Variants in DACH2 observed in about 807,000 individuals in gnomAD.
The protein encoded by DACH2 is dachshund family transcription factor 2, also known as dachshund homolog 2.
In DACH2, 17 loss-of-function variants were observed where a neutral mutation model predicts 35.8. The ratio of observed to expected loss-of-function variants is 0.48; its 90% CI spans 0.33 to 0.71. The LOEUF (loss-of-function observed/expected upper bound fraction) is 0.71, where lower values mean the gene tolerates loss of function less well. Ranked by LOEUF, DACH2 falls within the 30% of genes least tolerant of loss-of-function variation. DACH2 has a pLI of 0.02. For missense variants in DACH2, 469 were observed against 472.7 expected (o/e 0.99, Z 0.07); for synonymous variants, 195 against 177.3 (o/e 1.10, Z -0.79).
At chrX:86,665,222 T>G (rs2148418042) in intron 4 of DACH2, among the ~76,000 whole-genome samples, 1 of 112,034 alleles carries the variant, frequency 8.9e-6, no homozygotes, top group Admixed American at 9.5e-5. Context: ...CATGTAAGCA[T>G]TTAAAATAAT....
chrX:86,542,667 C>A (rs543027794), intron 3 of DACH2, among the ~76,000 whole-genome samples: 2 of 111,863 alleles, frequency 1.8e-5, no homozygotes, highest in Non-Finnish European at 3.8e-5. Context: ...GATTAAGACA[C>A]AAGGTATCAG....
intron 7 of DACH2, among the ~76,000 whole-genome samples, chrX:86,775,024 G>A (rs186691839): frequency 6.3e-5 from 7 of 111,296 alleles, no homozygotes; most frequent in South Asian, 3.8e-4. Flanking sequence ...TAAAGACAGG[G>A]CCCTCACTAT....
intron 2 of DACH2, among the ~76,000 whole-genome samples, chrX:86,399,873 C>T (rs923846202): frequency 9.0e-6 from 1 of 111,146 alleles, no homozygotes; most frequent in Non-Finnish European, 1.9e-5. Context: ...ACTTGCTGTT[C>T]TTCTGGAGTA....
rs138210150 is a variant in DACH2 at position 86,355,655 on chromosome X, A to G, written c.489-21169A>G. ...AGCAATCCTCCTACATCAGCCCTAA[A>G]GTAGCTGGGACTACAGGTGCGGGCC... On this transcript the variant is annotated intron_variant, in intron 1 of 11. Coordinates refer to ENST00000373125, the MANE Select transcript of DACH2 (RefSeq NM_053281.3). Among the ~76,000 whole-genome samples, 987 of 111,662 alleles carry G rather than the reference A, an allele frequency of 8.8e-3. 4 individuals carry two copies. The highest frequency in any genetic ancestry group is 0.013 in the Non-Finnish European group (686 of 53,143).
intron 1 of DACH2, among the ~76,000 whole-genome samples, chrX:86,342,303 A>G (rs1023820203): frequency 2.9e-4 from 32 of 110,842 alleles, no homozygotes; most frequent in African/African-American, 1.1e-3. Flanking sequence ...GTTCAAGACC[A>G]GATGGCGTAA....
intron 1 of DACH2, among the ~76,000 whole-genome samples, chrX:86,198,510 A>G (rs965573267): frequency 9.0e-6 from 1 of 111,311 alleles, no homozygotes; most frequent in Non-Finnish European, 1.9e-5. Context: ...AATTAATAAA[A>G]CAGATAGACT....
At chrX:86,701,254 C>CA (rs1003904804) in intron 5 of DACH2, among the ~76,000 whole-genome samples, 19 of 111,136 alleles carry the variant, frequency 1.7e-4, no homozygotes, top group Non-Finnish European at 1.5e-4. Context: ...GAAGTAAAAA[C>CA]AAAAACCACA....
chrX:86,763,142 C>G (rs1314757998), intron 7 of DACH2, among the ~76,000 whole-genome samples: 2 of 111,673 alleles, frequency 1.8e-5, no homozygotes, highest in Non-Finnish European at 3.8e-5. Flanking sequence ...GTATTTCACC[C>G]CTAGCATATC....
In DACH2 at chrX:86,621,259, C is replaced by G. The variant is rs771837573; in HGVS notation, c.641-29777C>G. 8.1e-5 allele frequency among the ~76,000 whole-genome samples: 9 copies of G among 111,305 alleles called. No individual in the cohort carries two copies. The East Asian group carries it at 2.5e-3, about 31-fold the overall frequency. Reference sequence around the variant, plus strand: ...GATGTAGATACTTAGAGACAGCTTGCACCTGCAAAGAAAAGTGGCACAGTG... The same window carrying G: ...GATGTAGATACTTAGAGACAGCTTGGACCTGCAAAGAAAAGTGGCACAGTG... On this transcript the variant is annotated intron_variant, in intron 3 of 11. Transcript: ENST00000373125.
chrX:86,531,921 C>A (rs2038727217), intron 3 of DACH2, among the ~76,000 whole-genome samples: 1 of 113,088 alleles, frequency 8.8e-6, no homozygotes, highest in Non-Finnish European at 1.9e-5. Flanking sequence ...TGCCCAAGTT[C>A]TTGGGAGTCC....
intron 3 of DACH2, among the ~76,000 whole-genome samples, chrX:86,645,411 C>A (rs762940432): frequency 1.2e-4 from 13 of 110,891 alleles, no homozygotes; most frequent in Admixed American, 2.9e-4. Context: ...CATATGCTGG[C>A]AAGGTTACAA....
chrX:86,363,926 C>A (rs2035772065), intron 1 of DACH2, among the ~76,000 whole-genome samples: 1 of 111,208 alleles, frequency 9.0e-6, no homozygotes, highest in African/African-American at 3.3e-5. Flanking sequence ...GCTGCTGCTC[C>A]TGGGGTTTCT....
chrX:86,766,598 A>C (rs902536434), intron 7 of DACH2, among the ~76,000 whole-genome samples: 2 of 112,023 alleles, frequency 1.8e-5, no homozygotes, highest in Non-Finnish European at 3.8e-5. Flanking sequence ...TTGTTTGCTG[A>C]ATGTGCACCA....
At chrX:86,347,447 C>A (rs1393022061) in intron 1 of DACH2, among the ~76,000 whole-genome samples, 2 of 112,786 alleles carry the variant, frequency 1.8e-5, no homozygotes, top group Non-Finnish European at 3.7e-5. Context: ...TACAGTCTCA[C>A]TCCAGGAGGT....
intron 1 of DACH2, among the ~76,000 whole-genome samples, chrX:86,248,858 T>C (rs1490590774): frequency 9.0e-6 from 1 of 110,802 alleles, no homozygotes; most frequent in Non-Finnish European, 1.9e-5. Context: ...CACAGAATGA[T>C]AGAACGTAAT....
intron 3 of DACH2, among the ~76,000 whole-genome samples, chrX:86,577,979 A>T (rs2039456319): frequency 8.9e-6 from 1 of 111,952 alleles, no homozygotes; most frequent in African/African-American, 3.2e-5. Context: ...CCTTTATAAT[A>T]AACTGGGAAA....
intron 3 of DACH2, among the ~76,000 whole-genome samples, chrX:86,648,312 T>A (rs1261699145): frequency 9.0e-6 from 1 of 111,083 alleles, no homozygotes; most frequent in African/African-American, 3.3e-5. Flanking sequence ...AAGTTGAAAT[T>A]TTGGTTCCCA....
At chrX:86,678,922 GA>G (rs2148430699) in intron 4 of DACH2, among the ~76,000 whole-genome samples, 1 of 111,432 alleles carries the variant, frequency 9.0e-6, no homozygotes, top group African/African-American at 3.3e-5. Flanking sequence ...CAGAGAAGGT[GA>G]AAAGTAGACA....
At position 86,813,161 on chromosome X, in the gene DACH2, G is replaced by A. The variant is rs770481654; in HGVS notation, c.1421G>A (p.Arg474His). The change falls in exon 9 of 12, where the codon CGC becomes CAC. Residue 474 changes from arginine to histidine, a missense_variant. By Grantham distance (29) the Arg-to-His change is conservative. Transcript: ENST00000373125. ...CTGAAAGTTGCTTTGGATAATGCTC[G>A]CATCCAGGAGAAGCAGATTCAACAA... ...GLLKVALDNA[R>H]IQEKQIQQEK... 9.1e-6 allele frequency: 11 copies of A among 1,206,896 alleles called. No homozygotes were observed. Among genetic ancestry groups the A allele is most frequent in the South Asian group, 3.6e-5 (2 of 55,920 alleles).
Sources: gnomAD v4.1 joint callset for allele counts (sites outside exome capture counted in the v4.1 genomes callset) on GRCh38, gnomAD v4.1.1 for gene constraint, MANE v1.5 for transcripts, NCBI Gene and HGNC (gene_info 2026-07-23, HGNC 2026-07-21) for gene names.